Variants in MTPAP observed in about 807,000 individuals in gnomAD.
MTPAP encodes mitochondrial poly(A) polymerase, also known as poly(A) RNA polymerase, mitochondrial.
Under a neutral mutation model 48.7 loss-of-function variants are expected in MTPAP, and 23 were observed. The ratio of observed to expected loss-of-function variants is 0.47; its 90% CI spans 0.34 to 0.67. MTPAP has a LOEUF of 0.67. Among genes scored for constraint, MTPAP ranks in the 30% least tolerant of loss-of-function variants. The pLI is 0.01. For synonymous variants in MTPAP, 257 were observed against 254.1 expected (o/e 1.01, Z -0.11); for missense variants, 614 against 694.3 (o/e 0.88, Z 1.30).
At chr10:30,340,107 T>C in intron 3 of MTPAP, 119 bp downstream of exon 3, 1 of 889,536 alleles carries the variant, frequency 1.1e-6, no homozygotes, top group Non-Finnish European at 1.8e-6. Flanking sequence ...CTTTTCACCT[T>C]GTAAAACTGA....
chr10:30,318,155 G>A (rs551641063), intron 6 of MTPAP, among the ~76,000 whole-genome samples: 9 of 152,196 alleles, frequency 5.9e-5, no homozygotes, highest in African/African-American at 2.2e-4. Context: ...CACCGTGCCC[G>A]GCCCTGATAT....
intron 5 of MTPAP, among the ~76,000 whole-genome samples, chr10:30,324,366 A>G (rs938033528): frequency 1.3e-5 from 2 of 152,066 alleles, no homozygotes; most frequent in African/African-American, 4.8e-5. Context: ...AAATGTATAT[A>G]TAAAAGAAAA....
intron 3 of MTPAP, 146 bp downstream of exon 3, chr10:30,340,080 G>A (rs1447786852): frequency 3.8e-5 from 28 of 735,662 alleles, no homozygotes; most frequent in East Asian, 2.4e-4. Context: ...CCACCACCAC[G>A]ATTCATCTCC....
intron 5 of MTPAP, among the ~76,000 whole-genome samples, chr10:30,324,408 G>A (rs1431310375): frequency 2.0e-5 from 3 of 151,914 alleles, no homozygotes; most frequent in Non-Finnish European, 4.4e-5. Context: ...TAAAAAAATA[G>A]TCAGGCGTGG....
intron 3 of MTPAP, among the ~76,000 whole-genome samples, chr10:30,337,760 T>A (rs1291846938): frequency 2.6e-5 from 4 of 152,070 alleles, no homozygotes; most frequent in Non-Finnish European, 4.4e-5. Flanking sequence ...CATTTTAAAC[T>A]CAAAGGGATG....
At chr10:30,345,220 T>C (rs1834860126) in intron 1 of MTPAP, among the ~76,000 whole-genome samples, 1 of 152,220 alleles carries the variant, frequency 6.6e-6, no homozygotes. Context: ...ATATTTAATA[T>C]ATTGGGGACA....
In MTPAP at chr10:30,348,215, AATAC is replaced by A; in HGVS notation, c.157+900_157+903del. 2.0e-5 allele frequency among the ~76,000 whole-genome samples: 3 copies of A among 152,370 alleles called. No individual in the cohort carries two copies. The South Asian group carries it at 6.2e-4, about 32-fold the overall frequency. ...TACAATCCAATCAATATTTGAATGA[AATAC>A]ATAAAGATTTCTCACTGCCTGCCAA... On this transcript the variant is annotated intron_variant, in intron 1 of 8. Transcript: ENST00000263063.
intron 4 of MTPAP, among the ~76,000 whole-genome samples, chr10:30,335,626 G>T (rs1188229990): frequency 6.6e-6 from 1 of 152,110 alleles, no homozygotes; most frequent in Non-Finnish European, 1.5e-5. Context: ...GAACATAAAT[G>T]GAAGAAATAA....
chr10:30,330,084 GTCT>G (rs1406092173), intron 4 of MTPAP, among the ~76,000 whole-genome samples: 1 of 151,952 alleles, frequency 6.6e-6, no homozygotes, highest in Non-Finnish European at 1.5e-5. Context: ...GTATTTCTAT[GTCT>G]ATCATTTTAT....
intron 1 of MTPAP, among the ~76,000 whole-genome samples, chr10:30,346,735 T>TA (rs2132873531): frequency 6.6e-6 from 1 of 152,222 alleles, no homozygotes. Flanking sequence ...CCCCTGCTAG[T>TA]AAAAAACCAC....
chr10:30,316,231 A>G, intron 6 of MTPAP, 21 bp from the exon 7 acceptor site: 1 of 1,575,498 alleles, frequency 6.3e-7, no homozygotes, highest in Non-Finnish European at 8.7e-7. Flanking sequence ...AACAAAAAAT[A>G]TTTCACGTGT....
At position 30,336,951 on chromosome 10, in the gene MTPAP, C is replaced by A; in HGVS notation, c.632G>T (p.Cys211Phe). ...EENTKLRYLT[C>F]SLIEDMAAAY... ...GGCGGCCATGTCTTCAATAAGAGAA[C>A]AGGTGAGATATCGGAGCTTAGTGTT... Residue 211 changes from cysteine (C) to phenylalanine (F), a missense_variant, in exon 4 of 9, where the codon TGT becomes TTT. Physicochemically the swap from Cys to Phe is radical, Grantham distance 205. Transcript: ENST00000263063. The A allele has an allele frequency of 1.9e-6, 3 of 1,613,652 alleles. No individual in the cohort carries two copies. The highest frequency in any genetic ancestry group is 2.5e-6 in the Non-Finnish European group (3 of 1,179,998).
intron 6 of MTPAP, among the ~76,000 whole-genome samples, chr10:30,317,148 T>C (rs1250711600): frequency 6.6e-6 from 1 of 152,184 alleles, no homozygotes; most frequent in Non-Finnish European, 1.5e-5. Context: ...TAACATTACA[T>C]TTAATTTAGC....
At chr10:30,326,681 AC>A (rs1356099948) in intron 4 of MTPAP, 46 bp from the exon 5 acceptor site, 4 of 1,456,458 alleles carry the variant, frequency 2.7e-6, no homozygotes, top group Admixed American at 1.7e-5. Flanking sequence ...GGTAAAAAAA[AC>A]AATTTTTTAA....
chr10:30,341,817 G>T (rs1446606835), intron 1 of MTPAP, among the ~76,000 whole-genome samples, 177 bp from the exon 2 acceptor site: 1 of 152,152 alleles, frequency 6.6e-6, no homozygotes, highest in African/African-American at 2.4e-5. Flanking sequence ...ACCCACAGGG[G>T]TTATGATCCA....
intron 5 of MTPAP, among the ~76,000 whole-genome samples, chr10:30,325,395 T>A (rs964207928): frequency 6.6e-6 from 1 of 152,194 alleles, no homozygotes; most frequent in Non-Finnish European, 1.5e-5. Context: ...ACAAATAACA[T>A]AGTGAAATGA....
rs926736338 is a variant in MTPAP at position 30,310,444 on chromosome 10, G to T, written c.*3165C>A. 2.6e-5 allele frequency: 4 copies of T among 151,918 alleles called. No homozygotes were observed. Among genetic ancestry groups the T allele is most frequent in the Non-Finnish European group, 4.4e-5 (3 of 68,018 alleles). 9.4% of individuals were successfully genotyped at this position (151,918 alleles called of 1,614,324 possible). ...CTACTAAAAATAGAAAACTTAGCCA[G>T]GTGTGGTGGCATGCACCTGTAATCC... is the stretch of plus-strand genomic sequence containing the variant. On this transcript the variant is annotated 3_prime_UTR_variant, in exon 9 of 9. Transcript: ENST00000263063.
chr10:30,336,888 G>A lies in MTPAP; in HGVS notation c.695C>T (p.Ser232Phe). The A allele has an allele frequency of 2.5e-6, 4 of 1,613,064 alleles. No individual in the cohort carries two copies. Among genetic ancestry groups the A allele is most frequent in the Non-Finnish European group, 3.4e-6 (4 of 1,179,998 alleles). ...FPDCIVRPFG[S>F]SVNTFGKLGC... ...TAACTTCCCAAAAGTGTTGACTGAG[G>A]AGCCAAAGGGTCTGACTATGCAGTC... The change falls in exon 4 of 9, where the codon TCC (serine) becomes TTC (phenylalanine). Residue 232 changes from serine (S) to phenylalanine (F), a missense_variant. Physicochemically the swap from Ser to Phe is radical, Grantham distance 155. Coordinates refer to ENST00000263063, the MANE Select transcript of MTPAP (RefSeq NM_018109.4).
At chr10:30,341,776 G>T in intron 1 of MTPAP, 136 bp from the exon 2 acceptor site, 1 of 922,588 alleles carries the variant, frequency 1.1e-6, no homozygotes, top group Non-Finnish European at 1.7e-6. Flanking sequence ...CCTTTATAAG[G>T]GTTAAACTAT....
Sources: gnomAD v4.1 joint callset for allele counts (sites outside exome capture counted in the v4.1 genomes callset) on GRCh38, gnomAD v4.1.1 for gene constraint, MANE v1.5 for transcripts, NCBI Gene and HGNC (gene_info 2026-07-23, HGNC 2026-07-21) for gene names.